The following ACTN2 variants were observed in gnomAD, a reference collection of about 807,000 sequenced individuals.
ACTN2 encodes the protein alpha-actinin-2.
ACTN2 carries 39 observed loss-of-function variants against 113.8 expected under a neutral mutation model. That is an observed-to-expected ratio of 0.34 (90% confidence interval 0.27 to 0.45). ACTN2 has a LOEUF of 0.45. ACTN2 is among the 20% of genes least tolerant of loss of function. ACTN2 has a pLI of 1.00. For synonymous variants in ACTN2, 429 were observed against 444.1 expected, an observed-to-expected ratio of 0.97 and a Z score of 0.43; for missense variants, 992 against 1,177.9, an observed-to-expected ratio of 0.84 and a Z score of 2.31.
chr1:236,721,533 C>T (rs1013664244), intron 4 of ACTN2, among the ~76,000 whole-genome samples: 3 of 152,166 alleles, frequency 2.0e-5, no homozygotes, highest in Non-Finnish European at 4.4e-5. Context: ...TCAGGAATGA[C>T]AGCCAGCTTG....
At chr1:236,759,614 C>A in intron 18 of ACTN2, 110 bp from the exon 19 acceptor site, 1 of 899,852 alleles carries the variant, frequency 1.1e-6, no homozygotes, top group Non-Finnish European at 1.9e-6. Context: ...CATTTACGAC[C>A]TTGGCAGAGC....
At chr1:236,717,081 C>G (rs902662686) in intron 1 of ACTN2, among the ~76,000 whole-genome samples, 22 of 144,808 alleles carry the variant, frequency 1.5e-4, no homozygotes, top group Middle Eastern at 7.0e-3. Flanking sequence ...GTGATCTGCC[C>G]TGCCTCAGCC....
chr1:236,704,996 G>T (rs139049615), intron 1 of ACTN2, among the ~76,000 whole-genome samples: 1 of 152,220 alleles, frequency 6.6e-6, no homozygotes, highest in Non-Finnish European at 1.5e-5. Flanking sequence ...AGGGTCTTAT[G>T]ACCGACAGTC....
In ACTN2 at chr1:236,737,298, C is replaced by CATATATATATATATAT. The variant is rs67318171; in HGVS notation, c.876+89_876+104dup. 9.6e-5 allele frequency: 33 copies of CATATATATATATATAT among 344,344 alleles called. 3 individuals carry two copies. Among genetic ancestry groups the CATATATATATATATAT allele is most frequent in the African/African-American group, 4.3e-4 (17 of 39,760 alleles). The allele number at this position is 344,344 out of a possible 1,614,324, so 21.3% of individuals were successfully genotyped here. A position where few individuals can be genotyped will look rare whatever the true frequency, so the allele number is the denominator to read the frequency against. On this transcript the variant is annotated intron_variant, in intron 9 of 20. Coordinates refer to ENST00000366578, the MANE Select transcript of ACTN2 (RefSeq NM_001103.4). ...AGGGTGAAAAAATACTCCGTGGGGG[C>CATATATATATATATAT]ATATATATATATATATATATTTTGC...
At position 236,754,992 on chromosome 1, in the gene ACTN2, C is replaced by T; in HGVS notation, c.1975-27C>T. ...AGAGGGCACTTCACTCTGCTTCTCT[C>T]TCTGCTTGCTCACTCGCCCCCCTCA... On this transcript the variant is annotated intron_variant, in intron 16 of 20. Coordinates refer to ENST00000366578, the MANE Select transcript of ACTN2 (RefSeq NM_001103.4). The surrounding 1 kb of genome is among the most constrained non-coding windows in gnomAD (Gnocchi z 4.9). 6.2e-7 allele frequency: 1 copy of T among 1,614,120 alleles called. No homozygotes were observed. The highest frequency in any genetic ancestry group is 8.5e-7 in the Non-Finnish European group (1 of 1,180,020).
intron 7 of ACTN2, chr1:236,734,620 G>A (rs1658812188): frequency 4.9e-6 from 4 of 811,334 alleles, no homozygotes; most frequent in Non-Finnish European, 7.6e-6. Flanking sequence ...TCCGAGTAAG[G>A]AGACTGTCTG....
intron 1 of ACTN2, among the ~76,000 whole-genome samples, chr1:236,706,914 C>T (rs543344174): frequency 6.6e-6 from 1 of 152,314 alleles, no homozygotes; most frequent in African/African-American, 2.4e-5. Context: ...GGATTAGAGA[C>T]TACCTTGTGT....
At chr1:236,723,433 A>T (rs190566792) in intron 4 of ACTN2, among the ~76,000 whole-genome samples, 2 of 152,240 alleles carry the variant, frequency 1.3e-5, no homozygotes, top group African/African-American at 4.8e-5. Context: ...AGAAAGTATG[A>T]ACTAAAATGG....
intron 1 of ACTN2, among the ~76,000 whole-genome samples, chr1:236,708,004 C>G (rs955461814): frequency 6.6e-6 from 1 of 152,058 alleles, no homozygotes; most frequent in Non-Finnish European, 1.5e-5. Flanking sequence ...AGCCACCGCA[C>G]TTGGCCATCA....
chr1:236,731,354 G>T (rs773185359), intron 7 of ACTN2, 40 bp downstream of exon 7: 1 of 1,517,078 alleles, frequency 6.6e-7, no homozygotes, highest in South Asian at 1.1e-5. Flanking sequence ...CAGGAAATTT[G>T]AAGACTACAA....
chr1:236,716,945 C>T (rs1658236092), intron 1 of ACTN2, among the ~76,000 whole-genome samples: 1 of 149,260 alleles, frequency 6.7e-6, no homozygotes, highest in Non-Finnish European at 1.5e-5. Context: ...AGCTACTTCC[C>T]TGCCTGAGCC....
intron 4 of ACTN2, among the ~76,000 whole-genome samples, chr1:236,725,296 A>C (rs1203025065): frequency 6.6e-6 from 1 of 152,166 alleles, no homozygotes; most frequent in South Asian, 2.1e-4. Flanking sequence ...AGGTGCCCCC[A>C]GTGTCACCTC....
intron 1 of ACTN2, among the ~76,000 whole-genome samples, chr1:236,701,528 G>T (rs546879864): frequency 6.6e-6 from 1 of 152,174 alleles, no homozygotes; most frequent in Non-Finnish European, 1.5e-5. Flanking sequence ...TGCGGGCCAG[G>T]TTGCCCTCTG....
At chr1:236,693,307 C>G (rs1657350419) in intron 1 of ACTN2, among the ~76,000 whole-genome samples, 1 of 152,054 alleles carries the variant, frequency 6.6e-6, no homozygotes, top group African/African-American at 2.4e-5. Context: ...ATGGTTCATT[C>G]TTTCATTCAT....
chr1:236,736,167 G>T (rs1329850862), intron 8 of ACTN2, among the ~76,000 whole-genome samples: 1 of 152,198 alleles, frequency 6.6e-6, no homozygotes, highest in Non-Finnish European at 1.5e-5. Context: ...TGAAATAGTG[G>T]AGGGGATAAC....
At position 236,686,667 on chromosome 1, in the gene ACTN2, G is replaced by C. The variant is rs370646112; in HGVS notation, c.-7G>C. On this transcript the variant is annotated 5_prime_UTR_variant, in exon 1 of 21. Transcript: ENST00000366578. The stretch of plus-strand genomic sequence containing the variant: ...CGCCCCGCCGCAGCCCCGGCCAACC[G>C]AGCGCCATGAACCAGATAGAGCCCG... 10 of 1,552,770 alleles carry C rather than the reference G, an allele frequency of 6.4e-6. No homozygotes were observed. Among genetic ancestry groups the C allele is most frequent in the Non-Finnish European group, 7.8e-6 (9 of 1,149,558 alleles).
At chr1:236,737,785 A>G (rs1658936327) in intron 9 of ACTN2, among the ~76,000 whole-genome samples, 1 of 152,126 alleles carries the variant, frequency 6.6e-6, no homozygotes, top group African/African-American at 2.4e-5. Context: ...CTCTTCAGCT[A>G]GACTCTTGGT....
At chr1:236,708,643 T>C (rs1488672438) in intron 1 of ACTN2, among the ~76,000 whole-genome samples, 1 of 152,182 alleles carries the variant, frequency 6.6e-6, no homozygotes, top group Non-Finnish European at 1.5e-5. Context: ...CTGGGGCAGC[T>C]CATTGGTTGA....
intron 1 of ACTN2, among the ~76,000 whole-genome samples, chr1:236,713,298 G>A (rs1447035661): frequency 1.3e-5 from 2 of 151,638 alleles, no homozygotes; most frequent in Non-Finnish European, 2.9e-5. Context: ...CACGATCTTG[G>A]CTCACTGCAA....
Sources: allele counts gnomAD v4.1 joint callset (sites outside exome capture counted in the v4.1 genomes callset), GRCh38; gene constraint gnomAD v4.1.1; non-coding constraint Gnocchi (gnomAD v3.1); transcripts MANE v1.5; gene names NCBI Gene and HGNC (gene_info 2026-07-23, HGNC 2026-07-21).